Variants in NGEF observed in about 807,000 individuals in gnomAD.
The protein encoded by NGEF is ephexin-1.
Under a neutral mutation model 80.9 loss-of-function variants are expected in NGEF, and 31 were observed. The observed-to-expected ratio is 0.38, with a 90% confidence interval of 0.29 to 0.52. The LOEUF is 0.52. Among genes scored for constraint, NGEF ranks in the 20% least tolerant of loss-of-function variants. NGEF has a pLI of 0.84. For synonymous variants in NGEF, 371 were observed against 370.2 expected (o/e 1.00, Z -0.03); for missense variants, 709 against 926.2 (o/e 0.77, Z 3.04).
chr2:232,977,373 A>G (rs78249659), intron 1 of NGEF, among the ~76,000 whole-genome samples: 7,605 of 152,264 alleles, frequency 0.05, 277 homozygotes, highest in East Asian at 0.16. Flanking sequence ...TGTAAGGCGG[A>G]GACCATGAGT....
intron 10 of NGEF, 86 bp from the exon 11 acceptor site, chr2:232,884,230 C>T (rs1691602791): frequency 1.5e-6 from 2 of 1,368,508 alleles, no homozygotes; most frequent in Non-Finnish European, 1.9e-6. Context: ...TGTCACATTC[C>T]CTGACACCTG....
At chr2:232,984,661 C>G (rs1694498894) in intron 1 of NGEF, among the ~76,000 whole-genome samples, 2 of 152,120 alleles carry the variant, frequency 1.3e-5, no homozygotes. Context: ...CACAAATGAG[C>G]CATCGGTGTG....
At position 232,974,740 on chromosome 2, in the gene NGEF, T is replaced by G. The variant is rs775119829; in HGVS notation, c.151A>C (p.Lys51Gln). 7 of 1,614,260 alleles carry G rather than the reference T, an allele frequency of 4.3e-6. No homozygotes were observed. The South Asian group carries it at 6.6e-5, about 15-fold the overall frequency. Reference sequence around the variant, plus strand: ...ATTGGGATGTGGCAATGAGGCTCTTTGTCTTGGATATCCTGGTCAGCTTGA... The same window carrying G: ...ATTGGGATGTGGCAATGAGGCTCTTGGTCTTGGATATCCTGGTCAGCTTGA... Reference protein sequence around the residue: ...TSQADQDIQDKEPHCHIPIKR... With the variant: ...TSQADQDIQDQEPHCHIPIKR... Residue 51 changes from lysine (K) to glutamine (Q), a missense_variant, in exon 2 of 15, where the codon AAA becomes CAA. By Grantham distance (53) the Lys-to-Gln change is moderately conservative (BLOSUM62 1). Around this residue, in one of 2 missense-constraint regions of NGEF, gnomAD observed 283 missense variants for 303.4 expected, o/e 0.93. Coordinates refer to ENST00000264051, the MANE Select transcript of NGEF (RefSeq NM_019850.3).
At chr2:232,901,947 C>T (rs192026720) in intron 5 of NGEF, among the ~76,000 whole-genome samples, 6 of 152,360 alleles carry the variant, frequency 3.9e-5, no homozygotes, top group Admixed American at 6.5e-5. Context: ...CGCTGAAGAC[C>T]CGGCCTCAGT....
intron 1 of NGEF, among the ~76,000 whole-genome samples, chr2:232,983,556 GA>G (rs1342445339): frequency 2.0e-5 from 3 of 152,172 alleles, no homozygotes; most frequent in Non-Finnish European, 4.4e-5. Context: ...CTTGGCTCAA[GA>G]AGGAGAAAAG....
chr2:232,973,653 T>C (rs1442183176), intron 2 of NGEF, among the ~76,000 whole-genome samples: 2 of 152,262 alleles, frequency 1.3e-5, no homozygotes, highest in East Asian at 3.9e-4. Flanking sequence ...GCAGTCCCAG[T>C]TCACAGACCA....
intron 1 of NGEF, among the ~76,000 whole-genome samples, chr2:232,993,285 A>C (rs1694712446): frequency 1.2e-5 from 1 of 81,786 alleles, no homozygotes; most frequent in Non-Finnish European, 2.6e-5. Flanking sequence ...ATGTCTCCAA[A>C]AGACATACAA....
In NGEF at chr2:232,963,017, C is replaced by A. The variant is rs573491553; in HGVS notation, c.383+7197G>T. Among the ~76,000 whole-genome samples the A allele has an allele frequency of 5.3e-5, 8 of 151,940 alleles. 1 individual carries two copies. The East Asian group carries it at 1.4e-3, about 26-fold the overall frequency. On this transcript the variant is annotated intron_variant, in intron 3 of 14. Transcript: ENST00000264051. The stretch of plus-strand genomic sequence containing the variant: ...AATGCAATTTCAACTGAAATTCTAG[C>A]TGAATTTTTTTTGGTAGAAATTGAC...
intron 1 of NGEF, among the ~76,000 whole-genome samples, chr2:232,995,048 CTGTATA>C: frequency 7.1e-6 from 1 of 141,736 alleles, no homozygotes. Context: ...AGTATGTATA[CTGTATA>C]TATGTACAGT....
At chr2:232,927,837 G>C (rs1436771837) in intron 3 of NGEF, 1 of 1,170,104 alleles carries the variant, frequency 8.5e-7, no homozygotes, top group Non-Finnish European at 1.1e-6. Flanking sequence ...GGCGCAAGCT[G>C]GGAAAGAGGC....
chr2:232,934,009 C>T (rs926470564), intron 3 of NGEF, among the ~76,000 whole-genome samples: 6 of 152,006 alleles, frequency 3.9e-5, no homozygotes, highest in Non-Finnish European at 5.9e-5. Context: ...TTTGGGAGGC[C>T]GAGGCAGGCG....
chr2:232,964,045 C>T (rs1273837420), intron 3 of NGEF, among the ~76,000 whole-genome samples: 1 of 152,124 alleles, frequency 6.6e-6, no homozygotes, highest in Non-Finnish European at 1.5e-5. Context: ...TAGTGAGAAA[C>T]CACAATACAG....
At chr2:232,943,142 C>T (rs998867601) in intron 3 of NGEF, among the ~76,000 whole-genome samples, 5 of 151,826 alleles carry the variant, frequency 3.3e-5, no homozygotes, top group Admixed American at 3.3e-4. Context: ...AGATAGATGG[C>T]CCTTAATAGG....
In NGEF at chr2:232,970,288, G is replaced by A. The variant is rs1223304314; in HGVS notation, c.309C>T (p.Thr103=). 9 of 1,604,570 alleles carry A rather than the reference G, an allele frequency of 5.6e-6. No individual in the cohort carries two copies. The highest frequency in any genetic ancestry group is 1.1e-5 in the South Asian group (1 of 89,620). The part of the protein sequence containing the change: ...DNGKSVNEPL[T]LNIPWSRMPP... The stretch of plus-strand genomic sequence containing the variant: ...GCATTCTGCTCCAGGGGATATTCAA[G>A]GTCAGGGGCTCATTTACAGATTTTC... Residue 103 remains threonine, a synonymous_variant, in exon 3 of 15, where the codon ACC becomes ACT. Coordinates refer to ENST00000264051, the MANE Select transcript of NGEF (RefSeq NM_019850.3).
intron 1 of NGEF, among the ~76,000 whole-genome samples, chr2:232,990,359 T>A (rs896347829): frequency 1.3e-5 from 2 of 152,196 alleles, no homozygotes; most frequent in Non-Finnish European, 1.5e-5. Flanking sequence ...ACTTGAGAGA[T>A]GAAAGGAAGC....
intron 1 of NGEF, among the ~76,000 whole-genome samples, chr2:232,977,758 G>T (rs181508614): frequency 6.6e-6 from 1 of 152,178 alleles, no homozygotes; most frequent in African/African-American, 2.4e-5. Flanking sequence ...GGCAGGCCCC[G>T]AGCAGGAGGC....
At chr2:232,934,018 C>A (rs996439655) in intron 3 of NGEF, among the ~76,000 whole-genome samples, 1 of 151,974 alleles carries the variant, frequency 6.6e-6, no homozygotes, top group Non-Finnish European at 1.5e-5. Flanking sequence ...CCGAGGCAGG[C>A]GGATCACAAG....
intron 1 of NGEF, among the ~76,000 whole-genome samples, chr2:232,985,157 A>G (rs758101196): frequency 1.2e-4 from 18 of 152,128 alleles, no homozygotes; most frequent in Admixed American, 2.0e-4. Flanking sequence ...TCCTTCTGCC[A>G]TGTATAGGGA....
At chr2:232,968,020 G>A (rs887088863) in intron 3 of NGEF, among the ~76,000 whole-genome samples, 3 of 151,644 alleles carry the variant, frequency 2.0e-5, no homozygotes, top group Non-Finnish European at 4.4e-5. Flanking sequence ...GATTGCTGTT[G>A]CCTTCCCTGT....
Sources: allele counts gnomAD v4.1 joint callset (sites outside exome capture counted in the v4.1 genomes callset), GRCh38; gene constraint gnomAD v4.1.1; regional missense constraint gnomAD v4.1.1; transcripts MANE v1.5; gene names NCBI Gene and HGNC (gene_info 2026-07-23, HGNC 2026-07-21).